NFIA: variants seen among roughly 807,000 people sequenced by gnomAD.
NFIA encodes nuclear factor I A, also known as nuclear factor 1 A-type.
In NFIA, 8 loss-of-function variants were observed where a neutral mutation model predicts 62.8. The ratio of observed to expected loss-of-function variants is 0.13; its 90% CI spans 0.07 to 0.23. NFIA has a LOEUF of 0.23. NFIA is among the 10% of genes least tolerant of loss of function. The pLI is 1.00. For synonymous variants in NFIA, 235 were observed against 238.1 expected (o/e 0.99, Z 0.12); for missense variants, 410 against 642.1 (o/e 0.64, Z 3.91).
chr1:61,349,351 C>T (rs1054183370), intron 4 of NFIA, among the ~76,000 whole-genome samples: 1 of 152,000 alleles, frequency 6.6e-6, no homozygotes, highest in Admixed American at 6.6e-5. Context: ...TGTATATTGA[C>T]AGTTGTGATT....
At chr1:61,296,128 A>T (rs1002465157) in intron 3 of NFIA, among the ~76,000 whole-genome samples, 2 of 152,210 alleles carry the variant, frequency 1.3e-5, no homozygotes, top group Non-Finnish European at 2.9e-5. Flanking sequence ...AAGATTTTCA[A>T]ACATAATCTT....
intron 2 of NFIA, among the ~76,000 whole-genome samples, chr1:61,140,407 A>T (rs534910777): frequency 7.4e-4 from 112 of 151,562 alleles, no homozygotes; most frequent in Non-Finnish European, 1.1e-3. Flanking sequence ...AAGCTAGTAT[A>T]CAGTGTCCCA....
chr1:61,307,099 G>A (rs1659843225), intron 3 of NFIA, among the ~76,000 whole-genome samples: 1 of 152,180 alleles, frequency 6.6e-6, no homozygotes, highest in East Asian at 1.9e-4. Flanking sequence ...GATGGGAGCA[G>A]TGGCATGAGC....
At chr1:61,126,213 T>A (rs1302443424) in intron 2 of NFIA, among the ~76,000 whole-genome samples, 1 of 152,184 alleles carries the variant, frequency 6.6e-6, no homozygotes, top group Non-Finnish European at 1.5e-5. Flanking sequence ...GCTCCCTTCA[T>A]GGCTAAGGCA....
At chr1:61,128,146 C>A (rs1010582564) in intron 2 of NFIA, among the ~76,000 whole-genome samples, 163 of 151,862 alleles carry the variant, frequency 1.1e-3, no homozygotes, top group African/African-American at 3.9e-3. Context: ...ACGTGGAGTC[C>A]CCCTATGTTG....
intron 9 of NFIA, among the ~76,000 whole-genome samples, chr1:61,413,103 AAT>A (rs997090317): frequency 5.9e-5 from 9 of 152,304 alleles, no homozygotes; most frequent in African/African-American, 1.7e-4. Flanking sequence ...AAGACCTATC[AAT>A]ATGTTTCTCC....
chr1:61,090,877 A>G lies in NFIA; in HGVS notation c.559+2197A>G, dbSNP rs78182085. Among the ~76,000 whole-genome samples, 794 of 152,348 alleles carry G rather than the reference A, an allele frequency of 5.2e-3. 10 individuals are homozygous for G. The highest frequency in any genetic ancestry group is 0.018 in the African/African-American group (762 of 41,584). Reference sequence around the variant, plus strand: ...GGGTCTTTTGTCTGAAAATATTTCAAATTTGATTTAAGAGATTCAGAGACC... The same window carrying G: ...GGGTCTTTTGTCTGAAAATATTTCAGATTTGATTTAAGAGATTCAGAGACC... On this transcript the variant is annotated intron_variant, in intron 2 of 10. Transcript: ENST00000403491.
At chr1:61,258,815 A>G (rs896707292) in intron 2 of NFIA, among the ~76,000 whole-genome samples, 2 of 151,658 alleles carry the variant, frequency 1.3e-5, no homozygotes, top group African/African-American at 4.8e-5. Context: ...TGCAGTCTCG[A>G]CTCCTGGGCT....
At chr1:61,435,532 C>T (rs1667287086) in intron 10 of NFIA, among the ~76,000 whole-genome samples, 1 of 152,160 alleles carries the variant, frequency 6.6e-6, no homozygotes, top group Non-Finnish European at 1.5e-5. Flanking sequence ...GCTGCTGCAG[C>T]TCCAAATAGC....
intron 2 of NFIA, among the ~76,000 whole-genome samples, chr1:61,138,635 C>T (rs1038504547): frequency 3.3e-5 from 5 of 151,738 alleles, no homozygotes; most frequent in South Asian, 2.1e-4. Context: ...GGCTGGAGTG[C>T]GGTGGTACAA....
chr1:61,167,434 C>T (rs1029311518), intron 2 of NFIA, among the ~76,000 whole-genome samples: 5 of 152,134 alleles, frequency 3.3e-5, no homozygotes, highest in Admixed American at 6.5e-5. Flanking sequence ...CTTGGTTATT[C>T]ACTGAAAGGA....
chr1:61,099,950 A>C (rs1471140401), intron 2 of NFIA, among the ~76,000 whole-genome samples: 3 of 152,144 alleles, frequency 2.0e-5, no homozygotes. Flanking sequence ...AGTGGTTAGG[A>C]TTAGTAACTA....
At chr1:61,235,778 A>G (rs1654973722) in intron 2 of NFIA, among the ~76,000 whole-genome samples, 5 of 150,600 alleles carry the variant, frequency 3.3e-5, no homozygotes, top group Non-Finnish European at 7.4e-5. Flanking sequence ...GTGCCACTGC[A>G]CTCCATCCTG....
At chr1:61,327,034 A>T (rs33981358) in intron 3 of NFIA, among the ~76,000 whole-genome samples, 30,486 of 147,482 alleles carry the variant, frequency 0.21, 4,855 homozygotes, top group African/African-American at 0.45. Flanking sequence ...AAAAGAAAAA[A>T]AAATATATAT....
At chr1:61,432,121 T>C (rs1667120181) in intron 10 of NFIA, among the ~76,000 whole-genome samples, 1 of 152,106 alleles carries the variant, frequency 6.6e-6, no homozygotes, top group Admixed American at 6.5e-5. Flanking sequence ...ATAGGAACTT[T>C]CCAAAGAGTG....
At chr1:61,160,804 T>G (rs193070329) in intron 2 of NFIA, among the ~76,000 whole-genome samples, 1 of 152,350 alleles carries the variant, frequency 6.6e-6, no homozygotes. Context: ...GTTGTCATCA[T>G]GATATAGCAC....
chr1:61,151,411 A>G (rs1464889187), intron 2 of NFIA, among the ~76,000 whole-genome samples: 3 of 142,572 alleles, frequency 2.1e-5, no homozygotes, highest in Non-Finnish European at 4.5e-5. Context: ...ATTTTATCAT[A>G]GGTAAGGGAA....
intron 9 of NFIA, among the ~76,000 whole-genome samples, chr1:61,410,839 T>C (rs2499528): frequency 0.19 from 28,609 of 152,058 alleles, 2,944 homozygotes; most frequent in East Asian, 0.43. Context: ...CCTAGGAGCT[T>C]GAGGCTGCAG....
At chr1:61,203,824 C>T (rs114190251) in intron 2 of NFIA, among the ~76,000 whole-genome samples, 15 of 152,192 alleles carry the variant, frequency 9.9e-5, no homozygotes, top group South Asian at 6.2e-4. Flanking sequence ...AAAAAGAAAT[C>T]GACTTTAGTA....
Sources: gnomAD v4.1 joint callset for allele counts (sites outside exome capture counted in the v4.1 genomes callset) on GRCh38, gnomAD v4.1.1 for gene constraint, MANE v1.5 for transcripts, NCBI Gene and HGNC (gene_info 2026-07-23, HGNC 2026-07-21) for gene names.